CACNA2D1: variants seen among roughly 807,000 people sequenced by gnomAD.
The protein encoded by CACNA2D1 is calcium voltage-gated channel auxiliary subunit alpha2delta 1, also known as voltage-dependent calcium channel subunit alpha-2/delta-1.
Under a neutral mutation model 171.5 loss-of-function variants are expected in CACNA2D1, and 53 were observed. That is an observed-to-expected ratio of 0.31 (90% CI 0.25 to 0.39). CACNA2D1 has a LOEUF of 0.39. Ranked by LOEUF, CACNA2D1 falls within the 10% of genes least tolerant of loss-of-function variation. CACNA2D1 has a pLI of 1.00. For missense variants in CACNA2D1, 903 were observed against 1,299.8 expected (o/e 0.69, Z 4.69); for synonymous variants, 442 against 443.1 (o/e 1.00, Z 0.03).
intron 3 of CACNA2D1, among the ~76,000 whole-genome samples, chr7:82,237,321 C>G (rs1230530755): frequency 6.6e-6 from 1 of 151,876 alleles, no homozygotes; most frequent in East Asian, 1.9e-4. Context: ...ATAACTAAAA[C>G]TTCTAAAGCT....
At chr7:82,013,587 A>G in intron 13 of CACNA2D1, 77 bp from the exon 14 acceptor site, 1 of 501,006 alleles carries the variant, frequency 2.0e-6, no homozygotes, top group Non-Finnish European at 3.0e-6. Context: ...TATTTTATAA[A>G]TATTTTATAA....
At chr7:82,039,404 C>T (rs147875045) in intron 10 of CACNA2D1, among the ~76,000 whole-genome samples, 17 of 152,242 alleles carry the variant, frequency 1.1e-4, no homozygotes, top group African/African-American at 3.1e-4. Context: ...TAATTATCTG[C>T]ACACACAAAA....
intron 38 of CACNA2D1, among the ~76,000 whole-genome samples, chr7:81,952,760 C>T (rs1792755470): frequency 6.6e-6 from 1 of 152,064 alleles, no homozygotes; most frequent in Non-Finnish European, 1.5e-5. Flanking sequence ...GATCTAATCC[C>T]CAGTCCTATG....
At chr7:82,073,874 T>C (rs375816924) in intron 7 of CACNA2D1, among the ~76,000 whole-genome samples, 66 of 152,264 alleles carry the variant, frequency 4.3e-4, no homozygotes, top group African/African-American at 1.6e-3. Flanking sequence ...ATGCTTTGAT[T>C]ACAGGCGTCA....
chr7:82,001,978 G>C (rs1216492914), intron 18 of CACNA2D1, among the ~76,000 whole-genome samples: 1 of 111,408 alleles, frequency 9.0e-6, no homozygotes, highest in Non-Finnish European at 1.7e-5. Context: ...TGGGAAGTGG[G>C]AAAAATGGTT....
intron 4 of CACNA2D1, among the ~76,000 whole-genome samples, chr7:82,163,607 A>T (rs1795157393): frequency 1.3e-5 from 2 of 152,052 alleles, no homozygotes. Context: ...GAACTTTGTG[A>T]CACAGGTAGT....
At chr7:82,092,689 G>A (rs1336635341) in intron 6 of CACNA2D1, among the ~76,000 whole-genome samples, 4 of 151,196 alleles carry the variant, frequency 2.6e-5, no homozygotes, top group Admixed American at 1.3e-4. Flanking sequence ...CACCATGCCC[G>A]GCCACTTCAC....
intron 3 of CACNA2D1, among the ~76,000 whole-genome samples, chr7:82,243,646 C>T (rs1196392649): frequency 6.6e-6 from 1 of 152,138 alleles, no homozygotes; most frequent in Admixed American, 6.5e-5. Context: ...AAGGTGTTGT[C>T]ACGATCCCCC....
chr7:82,160,018 C>T (rs57810894), intron 4 of CACNA2D1, among the ~76,000 whole-genome samples: 55,851 of 149,152 alleles, frequency 0.37, 10,566 homozygotes, highest in Middle Eastern at 0.46. Context: ...ATAAGATGTA[C>T]AAGATGTATT....
chr7:82,234,598 G>A (rs1203918631), intron 3 of CACNA2D1, among the ~76,000 whole-genome samples: 4 of 150,396 alleles, frequency 2.7e-5, no homozygotes, highest in African/African-American at 9.7e-5. Flanking sequence ...AAAAAAAATA[G>A]CTATTCTTCC....
At chr7:82,135,163 A>G (rs535050684) in intron 5 of CACNA2D1, among the ~76,000 whole-genome samples, 3 of 152,228 alleles carry the variant, frequency 2.0e-5, no homozygotes, top group Admixed American at 1.3e-4. Flanking sequence ...CGTCAATGCC[A>G]TTCACTTTAT....
chr7:82,367,980 A>C (rs1821940206), intron 1 of CACNA2D1, among the ~76,000 whole-genome samples: 1 of 152,224 alleles, frequency 6.6e-6, no homozygotes, highest in African/African-American at 2.4e-5. Context: ...AAAAAAAATA[A>C]AAGGATCACT....
At chr7:82,207,238 C>G (rs920117299) in intron 3 of CACNA2D1, among the ~76,000 whole-genome samples, 2 of 152,150 alleles carry the variant, frequency 1.3e-5, no homozygotes, top group African/African-American at 4.8e-5. Flanking sequence ...ATGATCGCTC[C>G]CAGGTCTCAG....
intron 3 of CACNA2D1, among the ~76,000 whole-genome samples, chr7:82,287,581 C>A (rs1260408473): frequency 6.6e-6 from 1 of 152,024 alleles, no homozygotes; most frequent in Non-Finnish European, 1.5e-5. Flanking sequence ...ATTCAGAGCT[C>A]CCAGGAGAGG....
intron 10 of CACNA2D1, among the ~76,000 whole-genome samples, chr7:82,052,886 A>G (rs535112144): frequency 6.6e-6 from 1 of 152,352 alleles, no homozygotes; most frequent in African/African-American, 2.4e-5. Flanking sequence ...TAAGAATAGT[A>G]GTATTATCAA....
chr7:82,443,646 A>C lies in CACNA2D1; in HGVS notation c.-187T>G. On this transcript the variant is annotated 5_prime_UTR_variant, in exon 1 of 39. Transcript: ENST00000356860. ...CAAGGGCGGGAGCGGACGCCGAGGAAGGGGCGGTGGCGGGCGGACCCACTA... is the reference window on the plus strand; with the variant it reads ...CAAGGGCGGGAGCGGACGCCGAGGACGGGGCGGTGGCGGGCGGACCCACTA... 3.1e-6 allele frequency: 4 copies of C among 1,293,424 alleles called. No homozygotes were observed. Among genetic ancestry groups the C allele is most frequent in the Non-Finnish European group, 3.9e-6 (4 of 1,028,018 alleles). 80.1% of individuals were successfully genotyped at this position (1,293,424 alleles called of 1,614,324 possible).
chr7:82,059,076 G>A (rs1397867934), intron 10 of CACNA2D1, among the ~76,000 whole-genome samples: 1 of 152,030 alleles, frequency 6.6e-6, no homozygotes, highest in Non-Finnish European at 1.5e-5. Flanking sequence ...GTCTCCCTTG[G>A]TGAGTAAATC....
intron 5 of CACNA2D1, among the ~76,000 whole-genome samples, chr7:82,123,878 G>T (rs1790024134): frequency 1.3e-5 from 2 of 152,132 alleles, no homozygotes; most frequent in East Asian, 1.9e-4. Flanking sequence ...TAGGTAGTAT[G>T]CTTTAAATGC....
chr7:81,986,491 A>C (rs10237586), intron 21 of CACNA2D1, among the ~76,000 whole-genome samples: 2,606 of 151,296 alleles, frequency 0.017, 73 homozygotes, highest in African/African-American at 0.055. Flanking sequence ...TTTTATGGAC[A>C]ATATAGAATA....
Sources: gnomAD v4.1 joint callset for allele counts (sites outside exome capture counted in the v4.1 genomes callset) on GRCh38, gnomAD v4.1.1 for gene constraint, MANE v1.5 for transcripts, NCBI Gene and HGNC (gene_info 2026-07-23, HGNC 2026-07-21) for gene names.